CD1B: variants seen among roughly 807,000 people sequenced by gnomAD.
CD1B encodes T-cell surface glycoprotein CD1b.
A neutral mutation model predicts 39.8 loss-of-function variants in CD1B; 43 were observed. The observed-to-expected ratio is 1.08, with a 90% CI of 0.85 to 1.39. The LOEUF (loss-of-function observed/expected upper bound fraction) is 1.39. Ranked by LOEUF, CD1B falls within the 40% of genes most tolerant of loss-of-function variation. The pLI is 0.00. For synonymous variants in CD1B, 192 were observed against 152.5 expected (o/e 1.26, Z -1.91); for missense variants, 495 against 403.8 (o/e 1.23, Z -1.94).
chr1:158,304,812 T>C, the CD1B span, among the ~76,000 whole-genome samples: 3 of 152,192 alleles, frequency 2.0e-5, no homozygotes, highest in Non-Finnish European at 2.9e-5. Context: ...CTGCTGCTGA[T>C]ACCCAGGAAA....
At chr1:158,319,952 G>T in the CD1B span, among the ~76,000 whole-genome samples, 5 of 152,174 alleles carry the variant, frequency 3.3e-5, no homozygotes, top group Non-Finnish European at 7.4e-5. Context: ...CTGCTGGGGG[G>T]TGCCTCCCAG....
the CD1B span, chr1:158,293,201 A>C: frequency 6.2e-7 from 1 of 1,601,620 alleles, no homozygotes; most frequent in Non-Finnish European, 8.5e-7. Context: ...GTATCTTTCC[A>C]ATATGTGCAG....
Position 158,328,119 on chromosome 1 carries a change from A to C in CD1B, c.*117T>G. ...TAATAATTTATTTTAAAATACATGA[A>C]AACTCTGATTTCATCAAATTTGAAA... On this transcript the variant is annotated 3_prime_UTR_variant, in exon 6 of 6. Coordinates refer to ENST00000368168, the MANE Select transcript of CD1B (RefSeq NM_001764.3). 1.2e-6 allele frequency: 1 copy of C among 819,166 alleles called. No individual in the cohort carries two copies. The highest frequency in any genetic ancestry group is 2.0e-6 in the Non-Finnish European group (1 of 494,906). 50.7% of individuals were successfully genotyped at this position (819,166 alleles called of 1,614,324 possible).
chr1:158,304,249 G>A, the CD1B span, among the ~76,000 whole-genome samples: 2 of 152,140 alleles, frequency 1.3e-5, no homozygotes, highest in Non-Finnish European at 2.9e-5. Context: ...CCCTAATACT[G>A]TGCTTTTCCA....
chr1:158,306,737 A>T, the CD1B span, among the ~76,000 whole-genome samples: 85 of 152,376 alleles, frequency 5.6e-4, no homozygotes, highest in African/African-American at 1.9e-3. Context: ...TGTCTCTCAG[A>T]CCACAGTGCA....
At chr1:158,322,091 T>C in the CD1B span, among the ~76,000 whole-genome samples, 1 of 152,260 alleles carries the variant, frequency 6.6e-6, no homozygotes, top group Non-Finnish European at 1.5e-5. Flanking sequence ...TGTCCCAATT[T>C]ACATCTTTTG....
chr1:158,318,539 T>C, the CD1B span, among the ~76,000 whole-genome samples: 1 of 152,226 alleles, frequency 6.6e-6, no homozygotes, highest in African/African-American at 2.4e-5. Context: ...CATCCTTTTA[T>C]TTTTAGCCTG....
the CD1B span, among the ~76,000 whole-genome samples, chr1:158,300,679 A>G: frequency 5.5e-4 from 83 of 151,714 alleles, no homozygotes; most frequent in African/African-American, 1.8e-3. Flanking sequence ...TTGGGTGCAT[A>G]TATATTTAGG....
chr1:158,314,922 T>C, the CD1B span, among the ~76,000 whole-genome samples: 1 of 148,808 alleles, frequency 6.7e-6, no homozygotes, highest in Non-Finnish European at 1.5e-5. Context: ...TTTTTTGTTC[T>C]TGCGATAGTT....
the CD1B span, among the ~76,000 whole-genome samples, chr1:158,318,209 G>A: frequency 1.3e-5 from 2 of 152,140 alleles, no homozygotes; most frequent in African/African-American, 4.8e-5. Flanking sequence ...TTCAATTCCT[G>A]GGTATCCTTG....
downstream of CD1B, among the ~76,000 whole-genome samples, chr1:158,327,240 C>T (rs1652388367): frequency 6.6e-6 from 1 of 152,130 alleles, no homozygotes; most frequent in Admixed American, 6.5e-5. Context: ...TTTTACAGAG[C>T]ATTGATTGGT....
the CD1B span, among the ~76,000 whole-genome samples, chr1:158,299,927 C>A: frequency 6.6e-6 from 1 of 152,000 alleles, no homozygotes; most frequent in Non-Finnish European, 1.5e-5. Context: ...CTGATCTTTT[C>A]AAAAAGCCAG....
In CD1B at chr1:158,330,700, A is replaced by G. The variant is rs1571189974; in HGVS notation, c.328+96T>C. The G allele has an allele frequency of 4.0e-6, 5 of 1,241,078 alleles. No homozygotes were observed. In the East Asian group the frequency reaches 1.2e-4, roughly 29 times the overall value. The allele number at this position is 1,241,078 out of a possible 1,614,324, so 76.9% of individuals were successfully genotyped here. On this transcript the variant is annotated intron_variant, in intron 2 of 5. Coordinates refer to ENST00000368168, the MANE Select transcript of CD1B (RefSeq NM_001764.3). ...ATGTGCGTGCATTTGGGTAAAATAG[A>G]AAGGAAGGGAGAAGCATCAGAGAGA...
the CD1B span, among the ~76,000 whole-genome samples, chr1:158,302,325 A>G: frequency 1.3e-5 from 2 of 152,204 alleles, no homozygotes; most frequent in Non-Finnish European, 2.9e-5. Flanking sequence ...CTAAATGCCC[A>G]CATCAAAAAG....
chr1:158,292,354 T>C, the CD1B span: 5 of 1,613,590 alleles, frequency 3.1e-6, no homozygotes, highest in Middle Eastern at 1.7e-4. Flanking sequence ...AAGATGTATG[T>C]ACACAGGCAA....
At chr1:158,326,866 G>A (rs183192947), downstream of CD1B, among the ~76,000 whole-genome samples, 61 of 152,142 alleles carry the variant, frequency 4.0e-4, 1 homozygote, top group East Asian at 9.7e-3. Context: ...GCACAATCTT[G>A]GCTCACTGCA....
downstream of CD1B, among the ~76,000 whole-genome samples, chr1:158,327,589 T>C (rs917367818): frequency 6.6e-6 from 1 of 151,566 alleles, no homozygotes; most frequent in Admixed American, 6.6e-5. Context: ...AATTTGCAGC[T>C]AAGAGATCTT....
At chr1:158,293,670 C>A in the CD1B span, 1 of 1,289,566 alleles carries the variant, frequency 7.8e-7, no homozygotes. Flanking sequence ...TAGCACTCAA[C>A]CTTCAAAGCC....
the CD1B span, among the ~76,000 whole-genome samples, chr1:158,316,891 T>C: frequency 3.5e-3 from 531 of 151,130 alleles, 3 homozygotes; most frequent in Non-Finnish European, 3.9e-3. Context: ...TTGTCAAAGG[T>C]CTTTTCTGCA....
Sources: gnomAD v4.1 joint callset for allele counts (sites outside exome capture counted in the v4.1 genomes callset) on GRCh38, gnomAD v4.1.1 for gene constraint, MANE v1.5 for transcripts, NCBI Gene and HGNC (gene_info 2026-07-23, HGNC 2026-07-21) for gene names.